Variants in QTMAN observed in about 807,000 individuals in gnomAD.
QTMAN encodes tRNA-queuosine alpha-mannosyltransferase.
At chr2:143,959,806 T>C in the QTMAN span, among the ~76,000 whole-genome samples, 3 of 152,078 alleles carry the variant, frequency 2.0e-5, no homozygotes, top group African/African-American at 7.2e-5. Context: ...ATATTTTATA[T>C]ATTCACAAAT....
At chr2:144,326,601 A>C in the QTMAN span, among the ~76,000 whole-genome samples, 24 of 151,888 alleles carry the variant, frequency 1.6e-4, no homozygotes, top group African/African-American at 5.3e-4. Flanking sequence ...AAAAAAAAAA[A>C]AAAAAACACA....
chr2:144,243,776 C>A, the QTMAN span, among the ~76,000 whole-genome samples: 1 of 152,194 alleles, frequency 6.6e-6, no homozygotes, highest in Non-Finnish European at 1.5e-5. Flanking sequence ...CCTATCATCT[C>A]ATTCTTTAAT....
the QTMAN span, among the ~76,000 whole-genome samples, chr2:144,098,770 A>G: frequency 5.9e-5 from 9 of 151,978 alleles, no homozygotes; most frequent in African/African-American, 2.2e-4. Flanking sequence ...CACTTTAGAG[A>G]AATTATTCCC....
chr2:144,170,460 CA>C, the QTMAN span, among the ~76,000 whole-genome samples: 1 of 152,116 alleles, frequency 6.6e-6, no homozygotes, highest in Non-Finnish European at 1.5e-5. Context: ...ATGGATGATG[CA>C]AAGGGAGTGG....
chr2:144,175,039 G>A, the QTMAN span, among the ~76,000 whole-genome samples: 2 of 152,110 alleles, frequency 1.3e-5, no homozygotes, highest in Non-Finnish European at 2.9e-5. Flanking sequence ...AAATTTTGGA[G>A]ACAGAGTAGA....
At chr2:144,185,188 T>C in the QTMAN span, among the ~76,000 whole-genome samples, 1 of 152,214 alleles carries the variant, frequency 6.6e-6, no homozygotes, top group African/African-American at 2.4e-5. Context: ...ACCTTCACAA[T>C]AATACTGTAA....
chr2:144,253,171 T>C, the QTMAN span, among the ~76,000 whole-genome samples: 1 of 152,286 alleles, frequency 6.6e-6, no homozygotes, highest in East Asian at 1.9e-4. Flanking sequence ...CCTGCTGCCA[T>C]GTGAAGGACA....
the QTMAN span, among the ~76,000 whole-genome samples, chr2:144,267,077 T>C: frequency 6.6e-6 from 1 of 151,914 alleles, no homozygotes; most frequent in Non-Finnish European, 1.5e-5. Context: ...GAAAAAAAAA[T>C]AATCTGAAGG....
the QTMAN span, among the ~76,000 whole-genome samples, chr2:144,250,632 CTT>C: frequency 1.3e-5 from 2 of 151,568 alleles, no homozygotes; most frequent in African/African-American, 2.4e-5. Context: ...GAAAGTATTA[CTT>C]TACACTTACC....
At chr2:144,292,720 A>T in the QTMAN span, among the ~76,000 whole-genome samples, 4 of 152,180 alleles carry the variant, frequency 2.6e-5, no homozygotes, top group African/African-American at 9.7e-5. Flanking sequence ...ATAAACTGGG[A>T]CATGTCTAAA....
At chr2:144,315,106 A>C in the QTMAN span, among the ~76,000 whole-genome samples, 1 of 152,054 alleles carries the variant, frequency 6.6e-6, no homozygotes, top group African/African-American at 2.4e-5. Context: ...GGCTGGTCTC[A>C]AACTCCGACC....
At chr2:144,261,782 A>C in the QTMAN span, among the ~76,000 whole-genome samples, 60 of 152,242 alleles carry the variant, frequency 3.9e-4, no homozygotes, top group Non-Finnish European at 7.3e-4. Flanking sequence ...TGAATTGCAT[A>C]TATCTTGCCA....
At chr2:144,248,837 G>C in the QTMAN span, among the ~76,000 whole-genome samples, 1 of 151,338 alleles carries the variant, frequency 6.6e-6, no homozygotes, top group South Asian at 2.1e-4. Flanking sequence ...CGCTCTGATT[G>C]TTCTTCAGTC....
chr2:144,037,415 C>T, the QTMAN span, among the ~76,000 whole-genome samples: 2 of 152,108 alleles, frequency 1.3e-5, no homozygotes, highest in Non-Finnish European at 2.9e-5. Context: ...GCTGTAGTCT[C>T]CATCAACCCT....
the QTMAN span, chr2:144,007,229 T>G: frequency 6.2e-7 from 1 of 1,610,912 alleles, no homozygotes; most frequent in Non-Finnish European, 8.5e-7. Context: ...GATTATCAAC[T>G]CCACCCAAAA....
chr2:144,065,621 A>G, the QTMAN span, among the ~76,000 whole-genome samples: 1 of 152,158 alleles, frequency 6.6e-6, no homozygotes, highest in Non-Finnish European at 1.5e-5. Context: ...GATCCAGAGC[A>G]TTGTACTATC....
At chr2:144,043,228 T>G in the QTMAN span, among the ~76,000 whole-genome samples, 1 of 68,486 alleles carries the variant, frequency 1.5e-5, no homozygotes, top group Non-Finnish European at 2.7e-5. Flanking sequence ...TGTGTGAATT[T>G]GTGTGTGTGT....
chr2:144,325,540 G>A, the QTMAN span, among the ~76,000 whole-genome samples: 3 of 151,750 alleles, frequency 2.0e-5, no homozygotes, highest in Non-Finnish European at 4.4e-5. Context: ...CAAGATTGAG[G>A]TCATGTACCT....
chr2:144,136,310 A>G, the QTMAN span, among the ~76,000 whole-genome samples: 1 of 145,986 alleles, frequency 6.8e-6, no homozygotes, highest in African/African-American at 2.5e-5. Context: ...TGGGCGACAG[A>G]GAGAGACCCT....
Sources: gnomAD v4.1 joint callset for allele counts (sites outside exome capture counted in the v4.1 genomes callset) on GRCh38, gnomAD v4.1.1 for gene constraint, MANE v1.5 for transcripts, NCBI Gene and HGNC (gene_info 2026-07-23, HGNC 2026-07-21) for gene names.